Variants in AATK observed in about 807,000 individuals in gnomAD.
The protein encoded by AATK is serine/threonine-protein kinase LMTK1.
In AATK, 91 loss-of-function variants were observed where a neutral mutation model predicts 114.3. The observed-to-expected ratio is 0.80, with a 90% CI of 0.67 to 0.95. The LOEUF (loss-of-function observed/expected upper bound fraction) is 0.95. Ranked by LOEUF, AATK falls within the 40% of genes least tolerant of loss-of-function variation. The probability of loss-of-function intolerance (pLI) is 0.00; values close to 1 mark genes in which losing one functional copy is unlikely to be tolerated. For synonymous variants in AATK, 1,075 were observed against 916.5 expected, an observed-to-expected ratio of 1.17 and a Z score of -3.12; for missense variants, 2,176 against 1,965.2, an observed-to-expected ratio of 1.11 and a Z score of -2.03.
intron 10 of AATK, 44 bp from the exon 11 acceptor site, chr17:81,122,867 C>T (rs1478242885): frequency 7.1e-7 from 1 of 1,400,466 alleles, no homozygotes; most frequent in Middle Eastern, 1.9e-4. Flanking sequence ...GCAACGCTGG[C>T]CAGGAACGCG....
Position 81,138,997 on chromosome 17 carries a change from G to A in AATK, c.56-4496C>T, listed in dbSNP as rs74475290. Among the ~76,000 whole-genome samples, 312 of 148,426 alleles carry A rather than the reference G, an allele frequency of 2.1e-3. 1 individual carries two copies. The highest frequency in any genetic ancestry group is 8.3e-3 in the East Asian group (40 of 4,848). On this transcript the variant is annotated intron_variant, in intron 1 of 13. Transcript: ENST00000326724. ...CCCACACCCACACGTGCGTACACAC[G>A]CATGCACGCACCCCACACACCCACA... is the stretch of plus-strand genomic sequence containing the variant.
chr17:81,135,260 G>A (rs1350241440), intron 1 of AATK, among the ~76,000 whole-genome samples: 1 of 152,192 alleles, frequency 6.6e-6, no homozygotes, highest in Non-Finnish European at 1.5e-5. Flanking sequence ...CACCTGAGCT[G>A]AGCCAGGCTT....
chr17:81,143,591 G>A (rs889545103), intron 1 of AATK, among the ~76,000 whole-genome samples: 13 of 151,856 alleles, frequency 8.6e-5, no homozygotes, highest in Non-Finnish European at 8.8e-5. Context: ...GCCTCCCGTG[G>A]CCACACCTGG....
chr17:81,126,428 T>A lies in AATK; in HGVS notation c.754A>T (p.Ser252Cys). ...CCGCTGGCCCGCGCCCGCCCTCACCTGTGCACGAAATTGTTGCGATGAAGG... is the reference window on the plus strand; with the variant it reads ...CCGCTGGCCCGCGCCCGCCCTCACCAGTGCACGAAATTGTTGCGATGAAGG... The part of the protein sequence containing the change: ...LHLHRNNFVH[S>C]DLALRNCLLT... The change falls in exon 7 of 14, where the codon AGC becomes TGC. Residue 252 changes from serine to cysteine, a missense_variant and splice_region_variant. Coordinates refer to ENST00000326724, the MANE Select transcript of AATK (RefSeq NM_001080395.3). The surrounding 1 kb of genome is among the most constrained non-coding windows in gnomAD (Gnocchi z 5.1). The A allele has an allele frequency of 6.4e-7, 1 of 1,561,226 alleles. No individual in the cohort carries two copies. The highest frequency in any genetic ancestry group is 8.7e-7 in the Non-Finnish European group (1 of 1,152,754).
chr17:81,134,598 A>C, intron 1 of AATK, 97 bp from the exon 2 acceptor site: 2 of 1,476,864 alleles, frequency 1.4e-6, no homozygotes, highest in Non-Finnish European at 1.8e-6. Flanking sequence ...GACTTGCTGC[A>C]TTCCAGGCTG....
rs1381072434 is a variant in AATK, at chr17:81,121,850, A to G, written c.2086T>C (p.Trp696Arg). Residue 696 changes from tryptophan to arginine, a missense_variant, in exon 11 of 14, where the codon TGG (tryptophan) becomes CGG (arginine). Trp to Arg is a moderately radical substitution (Grantham distance 101, BLOSUM62 -3). Transcript: ENST00000326724. ...NNSGSRCPES[W>R]DPVSAGGHAE... ...TGGCCGCCCGCAGAGACGGGGTCCC[A>G]GGACTCTGGACAGCGGCTGCCGCTG... is the stretch of plus-strand genomic sequence containing the variant. 6.9e-6 allele frequency: 11 copies of G among 1,596,546 alleles called. No individual in the cohort carries two copies. Among genetic ancestry groups the G allele is most frequent in the Non-Finnish European group, 9.3e-6 (11 of 1,178,086 alleles).
At position 81,159,141 on chromosome 17, in the gene AATK, C is replaced by A. The variant is rs549742921; in HGVS notation, c.55+6797G>T. Among the ~76,000 whole-genome samples the A allele has an allele frequency of 2.1e-4, 32 of 152,340 alleles. No individual in the cohort carries two copies. The South Asian group carries it at 6.4e-3, about 31-fold the overall frequency. On this transcript the variant is annotated intron_variant, in intron 1 of 13. Transcript: ENST00000326724. ...TGCTCCACAGCTAGCCGTGCCATGG[C>A]TGCACTCTTGGGAATGCAGGAAAGC...
At chr17:81,159,957 C>T (rs144160171) in intron 1 of AATK, among the ~76,000 whole-genome samples, 58 of 152,302 alleles carry the variant, frequency 3.8e-4, no homozygotes, top group African/African-American at 1.3e-3. Context: ...AGGGACCCCA[C>T]ACCCTCCCCG....
chr17:81,155,675 C>G (rs377114493), intron 1 of AATK, among the ~76,000 whole-genome samples: 1 of 150,858 alleles, frequency 6.6e-6, no homozygotes, highest in Non-Finnish European at 1.5e-5. Context: ...TGAGCCAGCG[C>G]GCCCGACCTA....
intron 1 of AATK, among the ~76,000 whole-genome samples, chr17:81,140,652 GGGGGACCGTGGGGCCGT>G: frequency 6.8e-6 from 1 of 147,082 alleles, no homozygotes; most frequent in South Asian, 2.1e-4. Flanking sequence ...CCGTGGGGCC[GGGGGACCGTGGGGCCGT>G]GGGGACCATG....
At chr17:81,143,482 GCCCC>G in intron 1 of AATK, among the ~76,000 whole-genome samples, 1 of 45,356 alleles carries the variant, frequency 2.2e-5, no homozygotes. Flanking sequence ...TGTCCACGCA[GCCCC>G]TGCCTCCCGT....
chr17:81,123,232 C>T lies in AATK; in HGVS notation c.1074G>A (p.Leu358=). The T allele has an allele frequency of 7.0e-7, 1 of 1,422,158 alleles. No individual in the cohort carries two copies. Among genetic ancestry groups the T allele is most frequent in the African/African-American group, 1.5e-5 (1 of 66,420 alleles). The allele number at this position is 1,422,158 out of a possible 1,614,324, so 88.1% of individuals were successfully genotyped here. Residue 358 remains leucine, a synonymous_variant, in exon 10 of 14, where the codon CTG becomes CTA. Transcript: ENST00000326724. The part of the protein sequence containing the change: ...AYTVREQQLK[L]PKPQLQLTLS... ...GGGTCAGCTGCAGCTGGGGCTTGGG[C>T]AGCTTGAGCTGCTGCTCCCGGACCG...
intron 1 of AATK, among the ~76,000 whole-genome samples, chr17:81,138,103 TAC>T (rs2061046158): frequency 7.3e-6 from 1 of 136,442 alleles, no homozygotes; most frequent in Non-Finnish European, 1.6e-5. Context: ...CGCGGACACA[TAC>T]GTGTGCACAC....
Position 81,121,743 on chromosome 17 carries a change from G to C in AATK, c.2193C>G (p.Leu731=), listed in dbSNP as rs758692493. The change falls in exon 11 of 14, where the codon CTC becomes CTG. Residue 731 remains leucine, a synonymous_variant. Transcript: ENST00000326724. ...CTGGCTCCTGGGCAGAGGCTGCCTG[G>C]AGCCCAAGCAGAGGCTCTCCAGGGT... ...PGYPGEPLLG[L]QAASAQEPGC... The C allele has an allele frequency of 6.0e-6, 9 of 1,503,324 alleles. No individual in the cohort carries two copies. The African/African-American group carries it at 1.3e-4, about 21-fold the overall frequency. The allele number at this position is 1,503,324 out of a possible 1,614,324, so 93.1% of individuals were successfully genotyped here. A position where few individuals can be genotyped will look rare whatever the true frequency, so the allele number is the denominator to read the frequency against.
In AATK at chr17:81,166,008, C is replaced by T. The variant is rs1487065438; in HGVS notation, c.-16G>A. 17 of 1,550,578 alleles carry T rather than the reference C, an allele frequency of 1.1e-5. No individual in the cohort carries two copies. Among genetic ancestry groups the T allele is most frequent in the African/African-American group, 2.8e-5 (2 of 71,122 alleles). ...ACGACGACATGGCCGGGCCAGCGGC[C>T]GGCGGGCATCCCGGGAGGGCGCTGC... On this transcript the variant is annotated 5_prime_UTR_variant, in exon 1 of 14. Transcript: ENST00000326724.
At chr17:81,137,947 C>T (rs1048049637) in intron 1 of AATK, among the ~76,000 whole-genome samples, 7 of 151,468 alleles carry the variant, frequency 4.6e-5, no homozygotes, top group Admixed American at 6.6e-5. Context: ...CACATCCACA[C>T]GCACGCACAC....
chr17:81,119,240 AGGAGCGGGGCCGGGAAGGAGC>A (rs1311656847), intron 13 of AATK, 119 bp downstream of exon 13: 4,908 of 231,330 alleles, frequency 0.021, 38 homozygotes, highest in Non-Finnish European at 0.026. Context: ...GGGGCCGGGA[AGGAGCGGGGCCGGGAAGGAGC>A]GGAGCGGAGC....
chr17:81,121,712 A>G lies in AATK; in HGVS notation c.2224T>C (p.Cys742Arg). The G allele has an allele frequency of 6.7e-7, 1 of 1,493,806 alleles. No individual in the cohort carries two copies. Among genetic ancestry groups the G allele is most frequent in the Non-Finnish European group, 8.9e-7 (1 of 1,126,094 alleles). 92.5% of individuals were successfully genotyped at this position (1,493,806 alleles called of 1,614,324 possible). A position where few individuals can be genotyped will look rare whatever the true frequency, so the allele number is the denominator to read the frequency against. Residue 742 changes from cysteine (C) to arginine (R), a missense_variant, in exon 11 of 14, where the codon TGC becomes CGC. Coordinates refer to ENST00000326724, the MANE Select transcript of AATK (RefSeq NM_001080395.3). ...QAASAQEPGCCPGLPHLCSAQ... is the reference protein window; with the variant it reads ...QAASAQEPGCRPGLPHLCSAQ... ...GAGCATAGATGAGGGAGGCCGGGGCAGCAGCCTGGCTCCTGGGCAGAGGCT... is the reference window on the plus strand; with the variant it reads ...GAGCATAGATGAGGGAGGCCGGGGCGGCAGCCTGGCTCCTGGGCAGAGGCT...
chr17:81,124,421 C>A (rs2060763572), intron 9 of AATK, among the ~76,000 whole-genome samples: 2 of 152,176 alleles, frequency 1.3e-5, no homozygotes, highest in South Asian at 4.1e-4. Context: ...CCCAGACCCT[C>A]TCCCCAGGGA....
Sources: allele counts gnomAD v4.1 joint callset (sites outside exome capture counted in the v4.1 genomes callset), GRCh38; gene constraint gnomAD v4.1.1; non-coding constraint Gnocchi (gnomAD v3.1); transcripts MANE v1.5; gene names NCBI Gene and HGNC (gene_info 2026-07-23, HGNC 2026-07-21).